ANK3: variants seen among roughly 807,000 people sequenced by gnomAD.
The protein encoded by ANK3 is ankyrin 3.
A neutral mutation model predicts 370.9 loss-of-function variants in ANK3; 57 were observed. The observed-to-expected ratio is 0.15, with a 90% CI of 0.12 to 0.19. ANK3 has a LOEUF of 0.19. Among genes scored for constraint, ANK3 ranks in the 10% least tolerant of loss-of-function variants. ANK3 has a pLI of 1.00. For synonymous variants in ANK3, 1,929 were observed against 1,946.3 expected, an observed-to-expected ratio of 0.99 and a Z score of 0.23; for missense variants, 4,439 against 5,302.1, an observed-to-expected ratio of 0.84 and a Z score of 5.06.
In ANK3 at chr10:60,449,659, A is replaced by G. The variant is rs141341543; in HGVS notation, c.96+165527T>C. On this transcript the variant is annotated intron_variant, in intron 2 of 43. Transcript: ENST00000373827. ...TCAGTTACTTTCCATAAAAGGGCCT[A>G]ATAATCATACCTGCTTTCACAGAGT... 3.8e-3 allele frequency among the ~76,000 whole-genome samples: 574 copies of G among 152,330 alleles called. 1 individual carries two copies. Among genetic ancestry groups the G allele is most frequent in the African/African-American group, 0.013 (553 of 41,584 alleles).
chr10:60,174,175 G>A (rs1473919342), intron 18 of ANK3, among the ~76,000 whole-genome samples: 2 of 152,126 alleles, frequency 1.3e-5, no homozygotes, highest in African/African-American at 4.8e-5. Context: ...ATTTGAAAAA[G>A]AGATGCCCAA....
chr10:60,192,229 G>A (rs2096495080), intron 16 of ANK3, among the ~76,000 whole-genome samples: 2 of 151,726 alleles, frequency 1.3e-5, no homozygotes, highest in African/African-American at 2.4e-5. Flanking sequence ...GTATCCCATG[G>A]TGCGCGTGTG....
chr10:60,202,939 A>G (rs1429293464), intron 12 of ANK3, 63 bp downstream of exon 12: 1 of 1,222,558 alleles, frequency 8.2e-7, no homozygotes, highest in Non-Finnish European at 1.2e-6. Flanking sequence ...AAGTAGATAA[A>G]AACCACCTTT....
At chr10:60,652,887 C>T (rs989047604) in intron 1 of ANK3, among the ~76,000 whole-genome samples, 2 of 152,184 alleles carry the variant, frequency 1.3e-5, no homozygotes, top group East Asian at 1.9e-4. Context: ...AGTCTGGGTA[C>T]GTTCTACAAA....
intron 8 of ANK3, among the ~76,000 whole-genome samples, chr10:60,222,538 A>G (rs1376602175): frequency 6.6e-6 from 1 of 152,118 alleles, no homozygotes; most frequent in South Asian, 2.1e-4. Flanking sequence ...GGTGTGGCCT[A>G]TCACTCACTT....
At chr10:60,646,258 G>T (rs1310670169) in intron 1 of ANK3, among the ~76,000 whole-genome samples, 1 of 152,192 alleles carries the variant, frequency 6.6e-6, no homozygotes, top group Non-Finnish European at 1.5e-5. Context: ...CAGAAATACA[G>T]TACGGTGTTA....
intron 12 of ANK3, among the ~76,000 whole-genome samples, chr10:60,201,030 A>T (rs1434268438): frequency 6.6e-6 from 1 of 152,256 alleles, no homozygotes; most frequent in Non-Finnish European, 1.5e-5. Flanking sequence ...AAAATGAAAT[A>T]TATTCTCTCA....
intron 1 of ANK3, among the ~76,000 whole-genome samples, chr10:60,660,533 T>C (rs2078922394): frequency 1.3e-5 from 2 of 152,164 alleles, no homozygotes; most frequent in African/African-American, 4.8e-5. Flanking sequence ...CCCTTCTACC[T>C]GAAAATTTTT....
At chr10:60,093,388 C>A (rs2089209565) in intron 28 of ANK3, among the ~76,000 whole-genome samples, 1 of 152,178 alleles carries the variant, frequency 6.6e-6, no homozygotes, top group Non-Finnish European at 1.5e-5. Context: ...GAAGACAGAT[C>A]ATGAAATTAC....
At chr10:60,496,946 G>A (rs554200693) in intron 2 of ANK3, among the ~76,000 whole-genome samples, 2 of 152,148 alleles carry the variant, frequency 1.3e-5, no homozygotes, top group Admixed American at 6.6e-5. Context: ...TCTCTGAAAA[G>A]GACTTGTTGC....
In ANK3 at chr10:60,452,314, C is replaced by T. The variant is rs577052064; in HGVS notation, c.96+162872G>A. Among the ~76,000 whole-genome samples the T allele has an allele frequency of 4.6e-5, 7 of 152,348 alleles. No individual in the cohort carries two copies. The East Asian group carries it at 1.3e-3, about 29-fold the overall frequency. ...TCAGTGTAACCACCACAGCTATGTG[C>T]ACCCTCAGCACGAGAGTTGCTTCTA... is the stretch of plus-strand genomic sequence containing the variant. On this transcript the variant is annotated intron_variant, in intron 2 of 43. Transcript: ENST00000373827.
chr10:60,059,222 G>T, intron 41 of ANK3, 118 bp downstream of exon 41: 1 of 852,268 alleles, frequency 1.2e-6, no homozygotes, highest in Non-Finnish European at 2.0e-6. Context: ...TTTAAAGCAG[G>T]TTTTATCCCA....
chr10:60,125,174 T>C (rs1246547963), intron 25 of ANK3, among the ~76,000 whole-genome samples: 3 of 152,208 alleles, frequency 2.0e-5, no homozygotes, highest in African/African-American at 7.2e-5. Flanking sequence ...CCTTACGGTA[T>C]TTATTTTCTT....
intron 23 of ANK3, chr10:60,140,611 T>TA (rs1242496390): frequency 6.4e-6 from 9 of 1,402,266 alleles, no homozygotes; most frequent in African/African-American, 2.9e-5. Context: ...AAAATCTTTT[T>TA]AAAAAACCCC....
At chr10:60,111,908 C>T (rs1435536696) in intron 26 of ANK3, 2 of 393,936 alleles carry the variant, frequency 5.1e-6, no homozygotes, top group Non-Finnish European at 9.9e-6. Context: ...TGTGGGACAA[C>T]CTAGAAAAAT....
chr10:60,377,191 G>T (rs1330097998), intron 1 of ANK3, among the ~76,000 whole-genome samples: 1 of 152,182 alleles, frequency 6.6e-6, no homozygotes, highest in Non-Finnish European at 1.5e-5. Flanking sequence ...AGGGGAGGGA[G>T]CAGGGAACAG....
chr10:60,246,241 G>GAGA lies in ANK3; in HGVS notation c.799-11458_799-11456dup, dbSNP rs557510707. Among the ~76,000 whole-genome samples the GAGA allele has an allele frequency of 1.6e-3, 144 of 90,284 alleles. 2 individuals are homozygous for GAGA. In the East Asian group the frequency reaches 0.044, roughly 28 times the overall value. 59.2% of individuals were successfully genotyped at this position (90,284 alleles called of 152,430 possible). On this transcript the variant is annotated intron_variant, in intron 7 of 43. Transcript: ENST00000280772. ...ACTGCACGCCAGCCTGGGCAACAGA[G>GAGA]AGAAACCCTGTATCAAAAAAAAAAA...
rs2094623663 is a variant in ANK3, at chr10:60,142,743, C to A, written c.2615-3656G>T. Among the ~76,000 whole-genome samples, 3 of 151,996 alleles carry A rather than the reference C, an allele frequency of 2.0e-5. No individual in the cohort carries two copies. The South Asian group carries it at 6.2e-4, about 32-fold the overall frequency. Reference sequence around the variant, plus strand: ...CAAAGATTAATGAAAATAAAATAGCCTTATAACATTAAGTAATTATCCACT... The same window carrying A: ...CAAAGATTAATGAAAATAAAATAGCATTATAACATTAAGTAATTATCCACT... On this transcript the variant is annotated intron_variant, in intron 23 of 43. Transcript: ENST00000280772.
At chr10:60,082,591 A>T (rs772547577) in intron 34 of ANK3, 24 bp downstream of exon 34, 12 of 1,609,638 alleles carry the variant, frequency 7.5e-6, no homozygotes, top group Non-Finnish European at 1.0e-5. Flanking sequence ...GGGAAAGACA[A>T]TTTAAAGCAG....
Sources: allele counts gnomAD v4.1 joint callset (sites outside exome capture counted in the v4.1 genomes callset), GRCh38; gene constraint gnomAD v4.1.1; transcripts MANE v1.5; gene names NCBI Gene and HGNC (gene_info 2026-07-23, HGNC 2026-07-21).